The following ULK4 variants were observed in gnomAD, a reference collection of about 807,000 sequenced individuals.
ULK4 encodes unc-51 like kinase 4, also known as inactive serine/threonine-protein kinase ULK4.
In ULK4, 133 loss-of-function variants were observed where a neutral mutation model predicts 160.6. That is an observed-to-expected ratio of 0.83 (90% CI 0.72 to 0.96). The LOEUF is 0.96. ULK4 is among the 40% of genes least tolerant of loss of function. The pLI is 0.00. For missense variants in ULK4, 1,580 were observed against 1,499.5 expected, an observed-to-expected ratio of 1.05 and a Z score of -0.89; for synonymous variants, 534 against 539.8, an observed-to-expected ratio of 0.99 and a Z score of 0.15.
intron 22 of ULK4, among the ~76,000 whole-genome samples, chr3:41,735,765 G>C (rs146133599): frequency 6.6e-6 from 1 of 150,424 alleles, no homozygotes. Flanking sequence ...TGTTACATAT[G>C]TATACATATG....
At chr3:41,698,852 T>C (rs1360787099) in intron 27 of ULK4, among the ~76,000 whole-genome samples, 1 of 152,192 alleles carries the variant, frequency 6.6e-6, no homozygotes, top group Non-Finnish European at 1.5e-5. Context: ...TGACTTGGAA[T>C]AGTTTTGTCT....
In ULK4 at chr3:41,472,546, G is replaced by A. The variant is rs556491371; in HGVS notation, c.3227-9293C>T. On this transcript the variant is annotated intron_variant, in intron 32 of 36. Transcript: ENST00000301831. The stretch of plus-strand genomic sequence containing the variant: ...ATCACACCACTGCACTCCAGCCTGG[G>A]TGACAGAGTGGGACTGTCAAAAAAA... 4.0e-5 allele frequency among the ~76,000 whole-genome samples: 6 copies of A among 151,224 alleles called. No individual in the cohort carries two copies. In the South Asian group the frequency reaches 6.3e-4, roughly 16 times the overall value.
chr3:41,913,905 G>T (rs1698883361), intron 8 of ULK4, among the ~76,000 whole-genome samples: 1 of 152,186 alleles, frequency 6.6e-6, no homozygotes, highest in South Asian at 2.1e-4. Flanking sequence ...AGAGGTTGCA[G>T]TGAGCCAAGA....
intron 34 of ULK4, among the ~76,000 whole-genome samples, chr3:41,422,768 AAG>A (rs2082690198): frequency 6.6e-6 from 1 of 152,168 alleles, no homozygotes; most frequent in African/African-American, 2.4e-5. Flanking sequence ...ATCTTTTGAG[AAG>A]TTATATGGTA....
intron 27 of ULK4, among the ~76,000 whole-genome samples, chr3:41,701,280 T>C (rs748632060): frequency 8.5e-5 from 13 of 152,124 alleles, no homozygotes; most frequent in Non-Finnish European, 1.3e-4. Context: ...TACATCATAG[T>C]GAATCTACAG....
chr3:41,776,045 T>C lies in ULK4; in HGVS notation c.2193+13616A>G, dbSNP rs567420342. ...TCAGGTATGTGCATCTTCAACTTCATTAAAGATTATAAAATTGCACTCCAC... is the reference window on the plus strand; with the variant it reads ...TCAGGTATGTGCATCTTCAACTTCACTAAAGATTATAAAATTGCACTCCAC... On this transcript the variant is annotated intron_variant, in intron 21 of 36. Transcript: ENST00000301831. 2.1e-4 allele frequency among the ~76,000 whole-genome samples: 31 copies of C among 151,088 alleles called. 1 individual carries two copies. The highest frequency in any genetic ancestry group is 7.2e-4 in the African/African-American group (29 of 40,404).
chr3:41,504,441 A>AT (rs1178638869), intron 32 of ULK4, among the ~76,000 whole-genome samples: 2 of 152,206 alleles, frequency 1.3e-5, no homozygotes, highest in Non-Finnish European at 2.9e-5. Flanking sequence ...AATAAAAGCC[A>AT]TTTCTGTTAT....
intron 35 of ULK4, among the ~76,000 whole-genome samples, chr3:41,389,123 T>C (rs2081893024): frequency 6.6e-6 from 1 of 152,148 alleles, no homozygotes; most frequent in Non-Finnish European, 1.5e-5. Context: ...AGGTATTTTA[T>C]TCTCTTTGAA....
chr3:41,456,431 A>G (rs1481443355), intron 33 of ULK4, among the ~76,000 whole-genome samples: 3 of 152,222 alleles, frequency 2.0e-5, no homozygotes, highest in African/African-American at 4.8e-5. Flanking sequence ...CTATATGCAT[A>G]CATATGCTCA....
In ULK4 at chr3:41,900,830, C is replaced by T. The variant is rs371289364; in HGVS notation, c.1183-1G>A. The T allele has an allele frequency of 6.2e-7, 1 of 1,611,204 alleles. No homozygotes were observed. Among genetic ancestry groups the T allele is most frequent in the South Asian group, 1.1e-5 (1 of 90,922 alleles). ...GCTGACTCAGGTGTCCACTTGTAAT[C>T]TGAAATGAGAACAAAAATTAGACTT... On this transcript the variant is annotated splice_acceptor_variant, in intron 12 of 36. Transcript: ENST00000301831. LOFTEE classifies it high-confidence loss of function.
intron 16 of ULK4, among the ~76,000 whole-genome samples, chr3:41,890,489 G>A (rs1270023032): frequency 6.6e-6 from 1 of 151,802 alleles, no homozygotes; most frequent in Non-Finnish European, 1.5e-5. Flanking sequence ...AGACCAGCCT[G>A]GCCAACATGG....
chr3:41,703,162 G>A (rs1483629053), intron 27 of ULK4, among the ~76,000 whole-genome samples: 1 of 151,948 alleles, frequency 6.6e-6, no homozygotes, highest in Non-Finnish European at 1.5e-5. Context: ...CCAACGACAA[G>A]ATGTGAACAA....
intron 31 of ULK4, among the ~76,000 whole-genome samples, chr3:41,605,237 G>C (rs1019710162): frequency 2.0e-5 from 3 of 151,566 alleles, no homozygotes; most frequent in Non-Finnish European, 4.4e-5. Context: ...TAGAAAACTA[G>C]TAGTAAGATT....
At position 41,663,617 on chromosome 3, in the gene ULK4, T is replaced by C. The variant is rs1487739551; in HGVS notation, c.3061A>G (p.Thr1021Ala). ...TTGAACTTCCAGTACCTTGTGAAAG[T>C]TGGGTTGTGTTCAGTCATCGCGACT... ...LLVAMTEHNP[T>A]FTRLVEESKL... The change falls in exon 30 of 37, where the codon ACT becomes GCT. Residue 1021 changes from threonine (T) to alanine (A), a missense_variant. By Grantham distance (58) the Thr-to-Ala change is moderately conservative. Transcript: ENST00000301831. 7 of 1,613,560 alleles carry C rather than the reference T, an allele frequency of 4.3e-6. No individual in the cohort carries two copies. The highest frequency in any genetic ancestry group is 2.2e-5 in the East Asian group (1 of 44,852).
chr3:41,418,342 C>CG (rs56844228), intron 34 of ULK4, among the ~76,000 whole-genome samples: 6,878 of 87,602 alleles, frequency 0.079, 305 homozygotes, highest in East Asian at 0.16. Flanking sequence ...CTTAATTTGG[C>CG]GGGGGGGGGG....
intron 30 of ULK4, among the ~76,000 whole-genome samples, chr3:41,628,045 A>G (rs1224787822): frequency 5.9e-5 from 9 of 152,238 alleles, no homozygotes; most frequent in Non-Finnish European, 1.5e-5. Flanking sequence ...GATTTTAAGC[A>G]AAATGACACA....
chr3:41,681,897 A>C, intron 27 of ULK4, 93 bp from the exon 28 acceptor site: 1 of 1,402,622 alleles, frequency 7.1e-7, no homozygotes, highest in Non-Finnish European at 9.9e-7. Context: ...AGAATCCCTA[A>C]TCAAAGGAGT....
At chr3:41,729,740 C>T (rs1213655050) in intron 22 of ULK4, among the ~76,000 whole-genome samples, 2 of 152,210 alleles carry the variant, frequency 1.3e-5, no homozygotes, top group African/African-American at 4.8e-5. Flanking sequence ...CAGCCTGCCA[C>T]CCTGCCCTCA....
At chr3:41,257,151 C>T (rs1038228464) in intron 35 of ULK4, among the ~76,000 whole-genome samples, 4 of 152,166 alleles carry the variant, frequency 2.6e-5, no homozygotes, top group Non-Finnish European at 5.9e-5. Context: ...GATAACTCAA[C>T]GTTGTTTGTC....
Sources: gnomAD v4.1 joint callset for allele counts (sites outside exome capture counted in the v4.1 genomes callset) on GRCh38, gnomAD v4.1.1 for gene constraint, MANE v1.5 for transcripts, NCBI Gene and HGNC (gene_info 2026-07-23, HGNC 2026-07-21) for gene names.